ZDHHC3: variants seen among roughly 807,000 people sequenced by gnomAD.
ZDHHC3 encodes palmitoyltransferase ZDHHC3.
Under a neutral mutation model 30.6 loss-of-function variants are expected in ZDHHC3, and 9 were observed. The observed-to-expected ratio is 0.29, with a 90% CI of 0.18 to 0.51. ZDHHC3 has a LOEUF of 0.51. Among genes scored for constraint, ZDHHC3 ranks in the 20% least tolerant of loss-of-function variants. The pLI is 0.97. For missense variants in ZDHHC3, 246 were observed against 384.2 expected (o/e 0.64, Z 3.01); for synonymous variants, 136 against 140.2 (o/e 0.97, Z 0.21).
intron 3 of ZDHHC3, among the ~76,000 whole-genome samples, chr3:44,936,222 A>G (rs1271813874): frequency 6.6e-6 from 1 of 152,262 alleles, no homozygotes; most frequent in Non-Finnish European, 1.5e-5. Context: ...CTTCAAAAGA[A>G]GACATACATG....
intron 1 of ZDHHC3, among the ~76,000 whole-genome samples, chr3:44,970,664 C>T (rs1362488289): frequency 6.6e-6 from 1 of 152,162 alleles, no homozygotes; most frequent in African/African-American, 2.4e-5. Flanking sequence ...AAAAGAAGCC[C>T]ACTAGTAACT....
intron 4 of ZDHHC3, 192 bp from the exon 5 acceptor site, chr3:44,933,391 C>T: frequency 3.3e-6 from 2 of 611,310 alleles, no homozygotes; most frequent in Non-Finnish European, 5.8e-6. Context: ...GTCAAGTGAG[C>T]AGCCACCTCC....
At chr3:44,969,498 C>T (rs918039116) in intron 1 of ZDHHC3, 3 of 152,198 alleles carry the variant, frequency 2.0e-5, no homozygotes, top group Non-Finnish European at 4.4e-5. Context: ...CTGCTCTTGC[C>T]CCAGGGCTTG....
chr3:44,957,272 G>A (rs950588810), intron 2 of ZDHHC3, among the ~76,000 whole-genome samples: 1 of 152,046 alleles, frequency 6.6e-6, no homozygotes, highest in Non-Finnish European at 1.5e-5. Flanking sequence ...ACCTGACCCC[G>A]TCACTACAAA....
chr3:44,941,788 T>C (rs1287461410), intron 3 of ZDHHC3, among the ~76,000 whole-genome samples: 1 of 150,300 alleles, frequency 6.7e-6, no homozygotes, highest in Non-Finnish European at 1.5e-5. Flanking sequence ...TATGCATACA[T>C]GTCCTAATGT....
chr3:44,976,133 G>A lies in ZDHHC3; in HGVS notation c.-225C>T. 1 of 591,664 alleles carries A rather than the reference G, an allele frequency of 1.7e-6. No homozygotes were observed. The highest frequency in any genetic ancestry group is 2.6e-6 in the Non-Finnish European group (1 of 382,554). The allele number at this position is 591,664 out of a possible 1,614,324, so 36.7% of individuals were successfully genotyped here. A position where few individuals can be genotyped will look rare whatever the true frequency, so the allele number is the denominator to read the frequency against. On this transcript the variant is annotated 5_prime_UTR_variant, in exon 1 of 7. Transcript: ENST00000424952. ...AGAAGCCCATCGAGCTCTCCCGGCA[G>A]TGGCGGCGGCCGCGGCTGCAGGAGC...
chr3:44,924,093 A>G lies in ZDHHC3; in HGVS notation c.*2596T>C, dbSNP rs1465011578. ...CTCCCCAGAGCCCAGGCTCTGAAAG[A>G]CTGTGGCTACGACTGGTTCAATTTC... On this transcript the variant is annotated 3_prime_UTR_variant, in exon 7 of 7. Transcript: ENST00000424952. 1.0e-6 allele frequency: 1 copy of G among 985,314 alleles called. No individual in the cohort carries two copies. Among genetic ancestry groups the G allele is most frequent in the Non-Finnish European group, 1.2e-6 (1 of 829,940 alleles). 61.0% of individuals were successfully genotyped at this position (985,314 alleles called of 1,614,324 possible). A position where few individuals can be genotyped will look rare whatever the true frequency, so the allele number is the denominator to read the frequency against.
intron 2 of ZDHHC3, among the ~76,000 whole-genome samples, chr3:44,953,770 G>A (rs1465031116): frequency 1.3e-5 from 2 of 152,200 alleles, no homozygotes; most frequent in African/African-American, 2.4e-5. Context: ...TAAGTTGCTC[G>A]GGGGCAGGGG....
At chr3:44,948,902 C>T (rs560052226) in intron 2 of ZDHHC3, among the ~76,000 whole-genome samples, 1 of 152,322 alleles carries the variant, frequency 6.6e-6, no homozygotes, top group African/African-American at 2.4e-5. Flanking sequence ...AGAGCAATGA[C>T]GTGCTTCCCC....
chr3:44,936,493 TC>T (rs1426025603), intron 3 of ZDHHC3, among the ~76,000 whole-genome samples: 1 of 152,150 alleles, frequency 6.6e-6, no homozygotes, highest in Non-Finnish European at 1.5e-5. Flanking sequence ...AACCCAGCAA[TC>T]CCATTACTGG....
chr3:44,948,798 C>T (rs1032331358), intron 2 of ZDHHC3, among the ~76,000 whole-genome samples: 2 of 152,232 alleles, frequency 1.3e-5, no homozygotes, highest in Non-Finnish European at 2.9e-5. Flanking sequence ...CTTTGCTGGG[C>T]CCCAGCCCTT....
rs945215772 is a variant in ZDHHC3 at position 44,919,188 on chromosome 3, A to T, written c.*7501T>A. ...AAGGGAAAAACAGTACCTTAATAGC[A>T]GGGAAGAAACATTGCACGTACCACC... On this transcript the variant is annotated 3_prime_UTR_variant, in exon 7 of 7. Coordinates refer to ENST00000424952, the MANE Select transcript of ZDHHC3 (RefSeq NM_001135179.2). 3.7e-6 allele frequency: 3 copies of T among 820,572 alleles called. No individual in the cohort carries two copies. The highest frequency in any genetic ancestry group is 4.4e-6 in the Non-Finnish European group (3 of 681,218). 50.8% of individuals were successfully genotyped at this position (820,572 alleles called of 1,614,324 possible). A position where few individuals can be genotyped will look rare whatever the true frequency, so the allele number is the denominator to read the frequency against.
chr3:44,922,727 G>A lies in ZDHHC3; in HGVS notation c.*3962C>T, dbSNP rs1258026511. The stretch of plus-strand genomic sequence containing the variant: ...AGGGCTGTTAAGACACGGGCTGCTG[G>A]GCCCCGCTCGGTTTCTGGTTCGGTA... On this transcript the variant is annotated 3_prime_UTR_variant, in exon 7 of 7. Coordinates refer to ENST00000424952, the MANE Select transcript of ZDHHC3 (RefSeq NM_001135179.2). 1.0e-6 allele frequency: 1 copy of A among 984,686 alleles called. No individual in the cohort carries two copies. The highest frequency in any genetic ancestry group is 1.2e-6 in the Non-Finnish European group (1 of 829,444). 61.0% of individuals were successfully genotyped at this position (984,686 alleles called of 1,614,324 possible). A position where few individuals can be genotyped will look rare whatever the true frequency, so the allele number is the denominator to read the frequency against.
chr3:44,929,230 A>G, intron 6 of ZDHHC3, 76 bp downstream of exon 6: 1 of 1,559,680 alleles, frequency 6.4e-7, no homozygotes, highest in Non-Finnish European at 8.7e-7. Context: ...GACTGTGAGC[A>G]GCTCTCCCAG....
At chr3:44,945,137 GAA>G in intron 3 of ZDHHC3, 29 bp downstream of exon 3, 2 of 1,613,076 alleles carry the variant, frequency 1.2e-6, no homozygotes, top group Non-Finnish European at 1.7e-6. Flanking sequence ...GACAGTGGGA[GAA>G]GAGAGGAGGC....
At position 44,922,418 on chromosome 3, in the gene ZDHHC3, G is replaced by T; in HGVS notation, c.*4271C>A. ...GGGTTCCACTGATGAGATGCACAAGGAGTGGTGGGCAGGCTAATAATTTGG... is the reference window on the plus strand; with the variant it reads ...GGGTTCCACTGATGAGATGCACAAGTAGTGGTGGGCAGGCTAATAATTTGG... On this transcript the variant is annotated 3_prime_UTR_variant, in exon 7 of 7. Coordinates refer to ENST00000424952, the MANE Select transcript of ZDHHC3 (RefSeq NM_001135179.2). 5.1e-6 allele frequency: 5 copies of T among 985,452 alleles called. No individual in the cohort carries two copies. In the South Asian group the frequency reaches 2.3e-4, roughly 46 times the overall value. The allele number at this position is 985,452 out of a possible 1,614,324, so 61.0% of individuals were successfully genotyped here. A position where few individuals can be genotyped will look rare whatever the true frequency, so the allele number is the denominator to read the frequency against.
chr3:44,950,202 CACA>C lies in ZDHHC3; in HGVS notation c.307-4913_307-4911del, dbSNP rs1306793803. On this transcript the variant is annotated intron_variant, in intron 2 of 6. Transcript: ENST00000424952. ...TGTGTGGATCCTAAAACCAGAAAACCACAACTAGAAGTTACTATTGTCATGTGT... is the reference window on the plus strand; with the variant it reads ...TGTGTGGATCCTAAAACCAGAAAACCACTAGAAGTTACTATTGTCATGTGT... Among the ~76,000 whole-genome samples the C allele has an allele frequency of 5.3e-5, 8 of 152,124 alleles. No individual in the cohort carries two copies. The South Asian group carries it at 1.2e-3, about 24-fold the overall frequency.
chr3:44,946,553 T>C (rs1349304508), intron 2 of ZDHHC3, among the ~76,000 whole-genome samples: 1 of 152,152 alleles, frequency 6.6e-6, no homozygotes. Flanking sequence ...GGTTACATGC[T>C]GTGGAAGGTA....
chr3:44,929,216 G>T, intron 6 of ZDHHC3, 90 bp downstream of exon 6: 1 of 1,521,646 alleles, frequency 6.6e-7, no homozygotes, highest in Non-Finnish European at 8.9e-7. Context: ...CTGGGCTCCA[G>T]TCTGACTGTG....
Sources: allele counts gnomAD v4.1 joint callset (sites outside exome capture counted in the v4.1 genomes callset), GRCh38; gene constraint gnomAD v4.1.1; transcripts MANE v1.5; gene names NCBI Gene and HGNC (gene_info 2026-07-23, HGNC 2026-07-21).